The following TRHDE variants were observed in gnomAD, a reference collection of about 807,000 sequenced individuals.
The protein encoded by TRHDE is thyrotropin releasing hormone degrading enzyme, also known as thyrotropin-releasing hormone-degrading ectoenzyme.
In TRHDE, 72 loss-of-function variants were observed where a neutral mutation model predicts 125.7. The ratio of observed to expected loss-of-function variants is 0.57; its 90% CI spans 0.47 to 0.70. The LOEUF is 0.70. Ranked by LOEUF, TRHDE falls within the 30% of genes least tolerant of loss-of-function variation. TRHDE has a pLI of 0.00. For missense variants in TRHDE, 1,110 were observed against 1,327.1 expected (o/e 0.84, Z 2.54); for synonymous variants, 509 against 509.1 (o/e 1.00, Z 0.00).
chr12:72,168,383 T>C (rs76814602), intron 2 of TRHDE, among the ~76,000 whole-genome samples: 4,428 of 152,290 alleles, frequency 0.029, 111 homozygotes, highest in African/African-American at 0.064. Flanking sequence ...GTAGTTCTCA[T>C]TGATGTGAGA....
rs553355097 is a variant in TRHDE, at chr12:72,101,797, TA to T, written n.175-3848del. Among the ~76,000 whole-genome samples the T allele has an allele frequency of 1.8e-4, 27 of 152,298 alleles. No individual in the cohort carries two copies. In the East Asian group the frequency reaches 5.2e-3, roughly 29 times the overall value. On this transcript the variant is annotated intron_variant and non_coding_transcript_variant, in intron 1 of 4. Transcript: ENST00000548156. ...TGTTTATTTTGTTTGACTGTTTTGG[TA>T]AAGACAGAACAGGCTGAGAAAAACA...
chr12:72,570,743 A>G (rs139833930), intron 10 of TRHDE, among the ~76,000 whole-genome samples: 8 of 152,282 alleles, frequency 5.3e-5, no homozygotes, highest in Non-Finnish European at 1.0e-4. Context: ...AATATCACCT[A>G]TCTTGATATG....
At chr12:72,157,459 A>G (rs116781825) in intron 2 of TRHDE, among the ~76,000 whole-genome samples, 116 of 152,298 alleles carry the variant, frequency 7.6e-4, no homozygotes, top group African/African-American at 2.8e-3. Flanking sequence ...CAAGCAAGAG[A>G]TGATGGTGGC....
At chr12:72,573,418 A>G (rs1331306856) in intron 10 of TRHDE, among the ~76,000 whole-genome samples, 1 of 151,908 alleles carries the variant, frequency 6.6e-6, no homozygotes, top group African/African-American at 2.4e-5. Context: ...TTTTAGAAAA[A>G]ATATCTGATG....
chr12:72,451,782 T>C (rs562339322), intron 3 of TRHDE, among the ~76,000 whole-genome samples: 2 of 152,138 alleles, frequency 1.3e-5, no homozygotes, highest in Admixed American at 6.6e-5. Flanking sequence ...ACTGATATCT[T>C]TCCATTTATT....
chr12:72,535,933 A>C (rs1004562160), intron 6 of TRHDE, among the ~76,000 whole-genome samples: 2 of 152,162 alleles, frequency 1.3e-5, no homozygotes, highest in Admixed American at 1.3e-4. Context: ...TTCTTACTTC[A>C]TAATTCTTTT....
chr12:72,396,185 A>G (rs1041047851), intron 3 of TRHDE, among the ~76,000 whole-genome samples: 6 of 152,212 alleles, frequency 3.9e-5, no homozygotes, highest in Admixed American at 3.3e-4. Context: ...ACAGGCTTCA[A>G]TATACCCTGT....
intron 3 of TRHDE, among the ~76,000 whole-genome samples, chr12:72,407,740 G>C (rs966221079): frequency 6.6e-6 from 1 of 152,166 alleles, no homozygotes; most frequent in Non-Finnish European, 1.5e-5. Flanking sequence ...AAGTGGAATA[G>C]GGTAAAGGGT....
chr12:72,385,320 A>G (rs1049053373), intron 3 of TRHDE, among the ~76,000 whole-genome samples: 1 of 152,032 alleles, frequency 6.6e-6, no homozygotes, highest in Non-Finnish European at 1.5e-5. Flanking sequence ...GTGGGTTAGC[A>G]TTATTAGTGC....
At chr12:72,442,793 G>A (rs886489855) in intron 3 of TRHDE, among the ~76,000 whole-genome samples, 1 of 151,764 alleles carries the variant, frequency 6.6e-6, no homozygotes, top group Non-Finnish European at 1.5e-5. Context: ...AATAAGGAGA[G>A]GATTTTTAGG....
intron 2 of TRHDE, among the ~76,000 whole-genome samples, chr12:72,375,672 T>C (rs1871846126): frequency 6.6e-6 from 1 of 152,224 alleles, no homozygotes; most frequent in Admixed American, 6.5e-5. Flanking sequence ...ATTTTACATT[T>C]ATATTTTACC....
At chr12:72,152,750 T>G (rs1227811018) in intron 2 of TRHDE, among the ~76,000 whole-genome samples, 3 of 152,342 alleles carry the variant, frequency 2.0e-5, no homozygotes, top group African/African-American at 2.4e-5. Flanking sequence ...TGAAGCCCAC[T>G]TGATCATGGT....
intron 7 of TRHDE, among the ~76,000 whole-genome samples, chr12:72,546,779 C>T (rs961483684): frequency 6.6e-6 from 1 of 151,606 alleles, no homozygotes; most frequent in Non-Finnish European, 1.5e-5. Context: ...GAAATAAAGG[C>T]ATTTGGGTTT....
At chr12:72,595,514 C>T (rs990719110) in intron 12 of TRHDE, among the ~76,000 whole-genome samples, 5 of 151,956 alleles carry the variant, frequency 3.3e-5, no homozygotes, top group Non-Finnish European at 5.9e-5. Context: ...TGATGTCATT[C>T]ATTTCACTTT....
At chr12:72,633,986 A>G (rs1873608384) in intron 15 of TRHDE, among the ~76,000 whole-genome samples, 1 of 152,122 alleles carries the variant, frequency 6.6e-6, no homozygotes, top group African/African-American at 2.4e-5. Context: ...GAGTGTCATT[A>G]TCAAATATTG....
At chr12:72,483,406 T>C (rs534789579) in intron 5 of TRHDE, among the ~76,000 whole-genome samples, 1 of 152,162 alleles carries the variant, frequency 6.6e-6, no homozygotes, top group Admixed American at 6.5e-5. Flanking sequence ...ATCCCCATGT[T>C]GTTTATATCA....
At chr12:72,416,055 G>GT (rs892317051) in intron 3 of TRHDE, among the ~76,000 whole-genome samples, 6 of 151,550 alleles carry the variant, frequency 4.0e-5, no homozygotes, top group African/African-American at 9.7e-5. Context: ...GTTATTGCCT[G>GT]TTTTTTTGAT....
chr12:72,375,454 G>A (rs1413885372), intron 2 of TRHDE, among the ~76,000 whole-genome samples: 1 of 151,992 alleles, frequency 6.6e-6, no homozygotes, highest in Non-Finnish European at 1.5e-5. Flanking sequence ...TGTTTCTTTT[G>A]TCTGGGTGTA....
At chr12:72,458,620 T>A (rs10082983) in intron 3 of TRHDE, among the ~76,000 whole-genome samples, 1 of 152,112 alleles carries the variant, frequency 6.6e-6, no homozygotes, top group East Asian at 1.9e-4. Context: ...TTAGTAGATA[T>A]CTCTATTTGG....
Sources: allele counts gnomAD v4.1 joint callset (sites outside exome capture counted in the v4.1 genomes callset), GRCh38; gene constraint gnomAD v4.1.1; transcripts MANE v1.5; gene names NCBI Gene and HGNC (gene_info 2026-07-23, HGNC 2026-07-21).